FAM193A: variants seen among roughly 807,000 people sequenced by gnomAD.
The protein encoded by FAM193A is family with sequence similarity 193 member A.
FAM193A carries 22 observed loss-of-function variants against 126.5 expected under a neutral mutation model. That is an observed-to-expected ratio of 0.17 (90% CI 0.12 to 0.25). The LOEUF (loss-of-function observed/expected upper bound fraction) is 0.25, where lower values mean the gene tolerates loss of function less well. Among genes scored for constraint, FAM193A ranks in the 10% least tolerant of loss-of-function variants. FAM193A has a pLI of 1.00. For synonymous variants in FAM193A, 761 were observed against 646.8 expected (o/e 1.18, Z -2.68); for missense variants, 1,675 against 1,672.8 (o/e 1.00, Z -0.02).
At chr4:2,656,345 A>G (rs987895752) in intron 7 of FAM193A, among the ~76,000 whole-genome samples, 1 of 152,204 alleles carries the variant, frequency 6.6e-6, no homozygotes, top group Admixed American at 6.5e-5. Flanking sequence ...CATTTATATG[A>G]CATTTATTAG....
chr4:2,644,478 C>T (rs1744935420), intron 6 of FAM193A, among the ~76,000 whole-genome samples: 1 of 152,162 alleles, frequency 6.6e-6, no homozygotes, highest in East Asian at 1.9e-4. Context: ...TCACGGGCTG[C>T]AGTGTGGCAG....
At chr4:2,595,803 G>T (rs1740826856) in intron 1 of FAM193A, among the ~76,000 whole-genome samples, 1 of 152,184 alleles carries the variant, frequency 6.6e-6, no homozygotes, top group East Asian at 1.9e-4. Context: ...GAGGCTGACA[G>T]TTTCTAGCAT....
intron 4 of FAM193A, among the ~76,000 whole-genome samples, chr4:2,629,902 G>A (rs1259056532): frequency 6.6e-6 from 1 of 152,172 alleles, no homozygotes; most frequent in Non-Finnish European, 1.5e-5. Context: ...AGAGGCCAAG[G>A]CGGGCGGATC....
At chr4:2,646,604 T>C (rs955809937) in intron 6 of FAM193A, 81 bp from the exon 7 acceptor site, 1 of 1,405,560 alleles carries the variant, frequency 7.1e-7, no homozygotes, top group Non-Finnish European at 9.7e-7. Flanking sequence ...AGCAGGATAG[T>C]ATCAGCAGGA....
intron 13 of FAM193A, among the ~76,000 whole-genome samples, chr4:2,685,141 G>A (rs1484981489): frequency 6.6e-6 from 1 of 152,164 alleles, no homozygotes; most frequent in Non-Finnish European, 1.5e-5. Context: ...TGAGAACTTT[G>A]CAGTGGAGCA....
At chr4:2,595,817 G>A (rs989877074) in intron 1 of FAM193A, among the ~76,000 whole-genome samples, 1 of 152,182 alleles carries the variant, frequency 6.6e-6, no homozygotes, top group African/African-American at 2.4e-5. Flanking sequence ...CTAGCATGTG[G>A]TGGAAAAGTA....
intron 1 of FAM193A, among the ~76,000 whole-genome samples, chr4:2,592,310 G>A (rs1164291282): frequency 6.6e-6 from 1 of 152,136 alleles, no homozygotes; most frequent in East Asian, 1.9e-4. Flanking sequence ...GGCTGGTCTT[G>A]AACTCCTGAC....
intron 2 of FAM193A, among the ~76,000 whole-genome samples, chr4:2,617,638 A>T (rs114028720): frequency 6.6e-6 from 1 of 151,738 alleles, no homozygotes; most frequent in Non-Finnish European, 1.5e-5. Context: ...TTGTTTTATA[A>T]TTTTTTAGCT....
rs905629652 is a variant in FAM193A at position 2,625,407 on chromosome 4, G to A, written c.635+12G>A. The A allele has an allele frequency of 8.6e-6, 6 of 696,562 alleles. No individual in the cohort carries two copies. The African/African-American group carries it at 1.0e-4, about 12-fold the overall frequency. The allele number at this position is 696,562 out of a possible 1,614,324, so 43.1% of individuals were successfully genotyped here. ...TGCAGTGAGCGCAGGTATGTGACGT[G>A]TGTGCCACGTTGCTCACACCTGTCC... is the stretch of plus-strand genomic sequence containing the variant. On this transcript the variant is annotated intron_variant, in intron 3 of 20. Coordinates refer to ENST00000637812, the MANE Select transcript of FAM193A (RefSeq NM_001366318.2).
chr4:2,583,329 C>T (rs1175665013), intron 1 of FAM193A, among the ~76,000 whole-genome samples: 1 of 152,202 alleles, frequency 6.6e-6, no homozygotes, highest in African/African-American at 2.4e-5. Flanking sequence ...GCAGCTGTCT[C>T]AGTTCTTCTG....
rs774114459 is a variant in FAM193A, at chr4:2,589,730, T to C, written c.256-6354T>C. Among the ~76,000 whole-genome samples the C allele has an allele frequency of 1.3e-3, 199 of 152,210 alleles. 3 individuals carry two copies. Among genetic ancestry groups the C allele is most frequent in the Non-Finnish European group, 4.3e-4 (29 of 68,040 alleles). ...GGCAATGCCTTTTGCTCAGAGAACC[T>C]GCATATGCTTTGGGAAAGCTGAGTT... is the stretch of plus-strand genomic sequence containing the variant. On this transcript the variant is annotated intron_variant, in intron 1 of 20. Coordinates refer to ENST00000637812, the MANE Select transcript of FAM193A (RefSeq NM_001366318.2).
intron 1 of FAM193A, among the ~76,000 whole-genome samples, chr4:2,575,772 T>C (rs927434765): frequency 2.6e-5 from 4 of 151,974 alleles, no homozygotes; most frequent in African/African-American, 9.7e-5. Flanking sequence ...GGCGAGATAC[T>C]GGGATTGTAA....
chr4:2,673,524 T>C (rs2109169942), intron 13 of FAM193A, among the ~76,000 whole-genome samples: 1 of 152,334 alleles, frequency 6.6e-6, no homozygotes, highest in East Asian at 1.9e-4. Context: ...CATGCTTAAA[T>C]TTTGTTAGAT....
At chr4:2,682,307 G>A (rs150319990) in intron 13 of FAM193A, among the ~76,000 whole-genome samples, 4 of 152,222 alleles carry the variant, frequency 2.6e-5, no homozygotes, top group Admixed American at 2.6e-4. Context: ...CAGGTTTCTT[G>A]TAGACATGTA....
At chr4:2,673,148 TTC>T (rs1265483301) in intron 13 of FAM193A, among the ~76,000 whole-genome samples, 3 of 151,892 alleles carry the variant, frequency 2.0e-5, no homozygotes, top group Admixed American at 6.5e-5. Context: ...CTCACCGTAA[TTC>T]TGATTGTTTT....
chr4:2,562,897 G>A (rs1004203850), intron 1 of FAM193A, among the ~76,000 whole-genome samples: 1 of 151,372 alleles, frequency 6.6e-6, no homozygotes, highest in Non-Finnish European at 1.5e-5. Flanking sequence ...CAAAGTGCTG[G>A]GATTACAGGC....
At chr4:2,553,910 C>T (rs1738101090) in intron 1 of FAM193A, among the ~76,000 whole-genome samples, 1 of 151,998 alleles carries the variant, frequency 6.6e-6, no homozygotes. Flanking sequence ...TGCCTGCCAC[C>T]ATCCATGTAA....
intron 2 of FAM193A, among the ~76,000 whole-genome samples, chr4:2,596,599 A>G (rs1190934259): frequency 6.6e-6 from 1 of 152,116 alleles, no homozygotes; most frequent in Non-Finnish European, 1.5e-5. Flanking sequence ...TGAGCTTAGT[A>G]TTTCTTTGGT....
chr4:2,543,292 T>G (rs538863917), intron 1 of FAM193A, among the ~76,000 whole-genome samples: 148 of 152,090 alleles, frequency 9.7e-4, no homozygotes, highest in Non-Finnish European at 1.5e-3. Flanking sequence ...TTTCATCATG[T>G]TAGCCAGGAT....
Sources: gnomAD v4.1 joint callset for allele counts (sites outside exome capture counted in the v4.1 genomes callset) on GRCh38, gnomAD v4.1.1 for gene constraint, MANE v1.5 for transcripts, NCBI Gene and HGNC (gene_info 2026-07-23, HGNC 2026-07-21) for gene names.